Variants in LRRC27 observed in about 807,000 individuals in gnomAD.
The protein encoded by LRRC27 is leucine-rich repeat-containing protein 27.
In LRRC27, 57 loss-of-function variants were observed where a neutral mutation model predicts 55.0. The ratio of observed to expected loss-of-function variants is 1.04; its 90% CI spans 0.84 to 1.29. The LOEUF (loss-of-function observed/expected upper bound fraction) is 1.29, where lower values mean the gene tolerates loss of function less well. LRRC27 is among the 50% of genes most tolerant of loss of function. LRRC27 has a pLI of 0.00. For synonymous variants in LRRC27, 278 were observed against 251.9 expected, an observed-to-expected ratio of 1.10 and a Z score of -0.98; for missense variants, 721 against 651.5, an observed-to-expected ratio of 1.11 and a Z score of -1.16.
Position 132,377,802 on chromosome 10 carries a change from A to G in LRRC27, c.*2560A>G, listed in dbSNP as rs2069356953. 1 of 152,216 alleles carries G rather than the reference A, an allele frequency of 6.6e-6. No homozygotes were observed. The highest frequency in any genetic ancestry group is 2.4e-5 in the African/African-American group (1 of 41,450). 9.4% of individuals were successfully genotyped at this position (152,216 alleles called of 1,614,324 possible). ...AGTTCGCCTTTATTCTGCACAGGAC[A>G]GAATTCTAGGTGGATGATTTTTGCC... On this transcript the variant is annotated 3_prime_UTR_variant, in exon 11 of 11. Transcript: ENST00000368614.
chr10:132,336,788 C>T, intron 2 of LRRC27: 1 of 772,092 alleles, frequency 1.3e-6, no homozygotes, highest in East Asian at 2.4e-5. Flanking sequence ...GTTTCTACTC[C>T]CTCAGGAAAT....
At chr10:132,362,084 G>A (rs1377764749) in intron 9 of LRRC27, among the ~76,000 whole-genome samples, 1 of 152,230 alleles carries the variant, frequency 6.6e-6, no homozygotes, top group Non-Finnish European at 1.5e-5. Context: ...GTTGACCCAG[G>A]TGAAGGGGAC....
chr10:132,375,130 G>A lies in LRRC27; in HGVS notation c.1481G>A (p.Arg494Gln), dbSNP rs780399858. Residue 494 changes from arginine to glutamine, a missense_variant, in exon 11 of 11, where the codon CGA (arginine) becomes CAA (glutamine). Arg to Gln is a conservative substitution (Grantham distance 43). Transcript: ENST00000368614. The stretch of plus-strand genomic sequence containing the variant: ...GGATTAACCTTGAACAAAGATCGTC[G>A]ACGGGCGGCCCTCACTGGAAACCTT... ...KLGLTLNKDR[R>Q]RAALTGNLSL... The A allele has an allele frequency of 8.7e-6, 14 of 1,614,002 alleles. No individual in the cohort carries two copies. Among genetic ancestry groups the A allele is most frequent in the South Asian group, 7.7e-5 (7 of 91,090 alleles).
At chr10:132,364,557 A>G (rs1407322393) in intron 9 of LRRC27, among the ~76,000 whole-genome samples, 35 of 67,044 alleles carry the variant, frequency 5.2e-4, no homozygotes, top group East Asian at 1.8e-3. Context: ...CCACACCCAC[A>G]CTTACACCCA....
intron 8 of LRRC27, among the ~76,000 whole-genome samples, chr10:132,360,683 A>G (rs1052567766): frequency 6.6e-6 from 1 of 152,226 alleles, no homozygotes; most frequent in Non-Finnish European, 1.5e-5. Flanking sequence ...CTGGAAATAC[A>G]TTTGGAGGAG....
At chr10:132,352,989 T>C (rs368951306) in intron 7 of LRRC27, 4 of 1,612,906 alleles carry the variant, frequency 2.5e-6, no homozygotes, top group Non-Finnish European at 3.4e-6. Flanking sequence ...CCTTGCGAGG[T>C]GTGTTGGCCG....
chr10:132,351,894 C>T, intron 7 of LRRC27, 141 bp downstream of exon 7: 1 of 1,093,752 alleles, frequency 9.1e-7, no homozygotes, highest in Non-Finnish European at 1.3e-6. Context: ...TCCGTCTCTT[C>T]CTCACCTGGA....
At chr10:132,363,152 C>T (rs538027743) in intron 9 of LRRC27, among the ~76,000 whole-genome samples, 4 of 121,324 alleles carry the variant, frequency 3.3e-5, no homozygotes, top group East Asian at 2.1e-4. Context: ...CACACCAGCT[C>T]GGGGGGCCAG....
At position 132,374,043 on chromosome 10, in the gene LRRC27, G is replaced by A. The variant is rs1035299464; in HGVS notation, c.1417-1023G>A. Among the ~76,000 whole-genome samples, 2 of 152,156 alleles carry A rather than the reference G, an allele frequency of 1.3e-5. No homozygotes were observed. The highest frequency in any genetic ancestry group is 2.9e-5 in the Non-Finnish European group (2 of 68,024). The stretch of plus-strand genomic sequence containing the variant: ...GCTCTAGCCCACAGTTACGATATGG[G>A]GGCGGGGGAGGCTGCAGGGGTCTCC... On this transcript the variant is annotated intron_variant, in intron 10 of 10. Coordinates refer to ENST00000368614, the MANE Select transcript of LRRC27 (RefSeq NM_030626.3). The surrounding 1 kb of genome is among the most constrained non-coding windows in gnomAD (Gnocchi z 4.4).
At position 132,377,043 on chromosome 10, in the gene LRRC27, A is replaced by C. The variant is rs1446942690; in HGVS notation, c.*1801A>C. 6.6e-6 allele frequency: 1 copy of C among 151,906 alleles called. No individual in the cohort carries two copies. The highest frequency in any genetic ancestry group is 1.5e-5 in the Non-Finnish European group (1 of 67,982). The allele number at this position is 151,906 out of a possible 1,614,324, so 9.4% of individuals were successfully genotyped here. A position where few individuals can be genotyped will look rare whatever the true frequency, so the allele number is the denominator to read the frequency against. On this transcript the variant is annotated 3_prime_UTR_variant, in exon 11 of 11. Transcript: ENST00000368614. The stretch of plus-strand genomic sequence containing the variant: ...CTATTTCTCTTCGCCTCTCCTTTTC[A>C]CTTCTTGCCTTCTGTGGATTTTGTC...
At position 132,374,158 on chromosome 10, in the gene LRRC27, G is replaced by T. The variant is rs1403452007; in HGVS notation, c.1417-908G>T. 7.3e-6 allele frequency among the ~76,000 whole-genome samples: 1 copy of T among 136,160 alleles called. No homozygotes were observed. The highest frequency in any genetic ancestry group is 1.7e-5 in the Non-Finnish European group (1 of 59,156). The allele number at this position is 136,160 out of a possible 152,430, so 89.3% of individuals were successfully genotyped here. ...TATGGCTGCATGGTGAGGGGGTGCA[G>T]TGGCTCCAGGGACCTGCTGTGATAT... On this transcript the variant is annotated intron_variant, in intron 10 of 10. Coordinates refer to ENST00000368614, the MANE Select transcript of LRRC27 (RefSeq NM_030626.3). This position sits in a 1 kb window ranked among gnomAD's most constrained non-coding sequence, Gnocchi z 4.4.
chr10:132,357,601 C>T (rs770674719), intron 8 of LRRC27, among the ~76,000 whole-genome samples: 34 of 152,128 alleles, frequency 2.2e-4, no homozygotes, highest in Non-Finnish European at 4.7e-4. Flanking sequence ...TCTGGAAGAA[C>T]GTACAGCAAC....
At chr10:132,350,623 G>C (rs796353588) in intron 6 of LRRC27, 3 of 152,602 alleles carry the variant, frequency 2.0e-5, no homozygotes, top group East Asian at 3.8e-4. Flanking sequence ...AGCGTGGGGG[G>C]GCGGGCCAGC....
Position 132,344,393 on chromosome 10 carries a change from A to G in LRRC27, c.401-105A>G, listed in dbSNP as rs1243982416. ...AACGTGATTTTCCCCCAAATACTGAATAGAATCATATTTTAAAATGTGAAA... is the reference window on the plus strand; with the variant it reads ...AACGTGATTTTCCCCCAAATACTGAGTAGAATCATATTTTAAAATGTGAAA... On this transcript the variant is annotated intron_variant, in intron 4 of 10. Coordinates refer to ENST00000368614, the MANE Select transcript of LRRC27 (RefSeq NM_030626.3). The G allele has an allele frequency of 4.1e-6, 5 of 1,228,784 alleles. No individual in the cohort carries two copies. In the East Asian group the frequency reaches 1.3e-4, roughly 31 times the overall value. 76.1% of individuals were successfully genotyped at this position (1,228,784 alleles called of 1,614,324 possible).
intron 5 of LRRC27, among the ~76,000 whole-genome samples, chr10:132,346,939 G>A (rs1307310431): frequency 1.3e-5 from 2 of 152,230 alleles, no homozygotes; most frequent in East Asian, 1.9e-4. Context: ...AGCCAGGGGC[G>A]TGATGTCCAT....
rs368214828 is a variant in LRRC27, at chr10:132,365,499, T to C, written c.1365T>C (p.His455=). The stretch of plus-strand genomic sequence containing the variant: ...AAATGCGTGAGCAAAGAAGATTCCA[T>C]GGCCAGGCCCCACTGGAGGAGATGA... The part of the protein sequence containing the change: ...VLQMREQRRF[H]GQAPLEEMRK... The change falls in exon 10 of 11, where the codon CAT becomes CAC. Residue 455 remains histidine (H), a synonymous_variant. Coordinates refer to ENST00000368614, the MANE Select transcript of LRRC27 (RefSeq NM_030626.3). 5.6e-6 allele frequency: 9 copies of C among 1,613,532 alleles called. No individual in the cohort carries two copies. The highest frequency in any genetic ancestry group is 1.1e-5 in the South Asian group (1 of 91,092).
chr10:132,346,010 G>A (rs573461184), intron 5 of LRRC27, among the ~76,000 whole-genome samples: 2 of 152,330 alleles, frequency 1.3e-5, no homozygotes, highest in South Asian at 2.1e-4. Context: ...GCGATGGGAC[G>A]CTCCTGGTTT....
intron 10 of LRRC27, among the ~76,000 whole-genome samples, chr10:132,370,799 C>T (rs959837090): frequency 1.3e-5 from 2 of 152,244 alleles, no homozygotes; most frequent in Non-Finnish European, 2.9e-5. Flanking sequence ...CTGCTGCCTA[C>T]ACAGGCCCAC....
chr10:132,361,254 A>G (rs1033790215), intron 8 of LRRC27, among the ~76,000 whole-genome samples: 1 of 152,228 alleles, frequency 6.6e-6, no homozygotes. Flanking sequence ...CCCCAGAAAG[A>G]TGTCCAAACA....
Sources: gnomAD v4.1 joint callset for allele counts (sites outside exome capture counted in the v4.1 genomes callset) on GRCh38, gnomAD v4.1.1 for gene constraint, Gnocchi (gnomAD v3.1) non-coding constraint, MANE v1.5 for transcripts, NCBI Gene and HGNC (gene_info 2026-07-23, HGNC 2026-07-21) for gene names.